Variants in RBFOX1 observed in about 807,000 individuals in gnomAD.
The protein encoded by RBFOX1 is RNA binding protein fox-1 homolog 1.
RBFOX1 carries 8 observed loss-of-function variants against 57.7 expected under a neutral mutation model. The observed-to-expected ratio is 0.14, with a 90% CI of 0.08 to 0.25. RBFOX1 has a LOEUF of 0.25. Ranked by LOEUF, RBFOX1 falls within the 10% of genes least tolerant of loss-of-function variation. The pLI, the probability that RBFOX1 is intolerant of heterozygous loss-of-function variation, is 1.00. For synonymous variants in RBFOX1, 326 were observed against 222.4 expected (o/e 1.47, Z -4.15); for missense variants, 611 against 548.5 (o/e 1.11, Z -1.14).
At chr16:6,179,316 A>C (rs888652552) in intron 1 of RBFOX1, among the ~76,000 whole-genome samples, 3 of 152,180 alleles carry the variant, frequency 2.0e-5, no homozygotes, top group Non-Finnish European at 4.4e-5. Flanking sequence ...ACTTTCTAGA[A>C]GGCTGGATCT....
At chr16:6,946,208 G>C (rs978517786) in intron 3 of RBFOX1, among the ~76,000 whole-genome samples, 1 of 152,212 alleles carries the variant, frequency 6.6e-6, no homozygotes, top group Admixed American at 6.5e-5. Flanking sequence ...AATATTTTAG[G>C]ATTTGGGTGC....
intron 4 of RBFOX1, among the ~76,000 whole-genome samples, chr16:7,342,879 G>C (rs1008689160): frequency 6.6e-6 from 1 of 152,276 alleles, no homozygotes; most frequent in Non-Finnish European, 1.5e-5. Flanking sequence ...TTGCATCAGG[G>C]GGCCATGTCA....
chr16:7,524,567 C>T (rs1311926084), intron 5 of RBFOX1, among the ~76,000 whole-genome samples: 3 of 152,128 alleles, frequency 2.0e-5, no homozygotes, highest in Admixed American at 1.3e-4. Flanking sequence ...CTATTTTTAA[C>T]GCTTCTGCAG....
chr16:6,712,405 G>T (rs2063874424), intron 3 of RBFOX1, among the ~76,000 whole-genome samples: 1 of 152,026 alleles, frequency 6.6e-6, no homozygotes, highest in African/African-American at 2.4e-5. Context: ...CCTAATGACT[G>T]GGCCACAGTA....
At chr16:5,453,516 G>T (rs1456384645) in intron 1 of RBFOX1, among the ~76,000 whole-genome samples, 1 of 152,116 alleles carries the variant, frequency 6.6e-6, no homozygotes, top group Non-Finnish European at 1.5e-5. Context: ...TTCATGCTCT[G>T]GTGTAAGGAA....
chr16:7,567,362 G>A (rs1300114884), intron 5 of RBFOX1, among the ~76,000 whole-genome samples: 1 of 50,574 alleles, frequency 2.0e-5, no homozygotes, highest in Non-Finnish European at 4.1e-5. Context: ...CCTATATATG[G>A]CCCTATATAT....
chr16:7,328,762 G>A (rs2096646621), intron 4 of RBFOX1: 2 of 152,020 alleles, frequency 1.3e-5, no homozygotes, highest in Admixed American at 6.6e-5. Flanking sequence ...CATTAGGAGA[G>A]AGAAGAAGAT....
chr16:5,475,716 T>G (rs890457468), intron 2 of RBFOX1, among the ~76,000 whole-genome samples: 10 of 152,114 alleles, frequency 6.6e-5, no homozygotes, highest in Non-Finnish European at 1.3e-4. Context: ...TGAAGGTGAG[T>G]CTTTGAGGTT....
intron 3 of RBFOX1, among the ~76,000 whole-genome samples, chr16:5,724,049 A>G (rs1201916057): frequency 6.6e-6 from 1 of 152,164 alleles, no homozygotes; most frequent in Non-Finnish European, 1.5e-5. Context: ...GTGTGTGTGC[A>G]TGTGCCTGCG....
intron 1 of RBFOX1, among the ~76,000 whole-genome samples, chr16:5,348,379 A>G (rs931328180): frequency 5.3e-5 from 8 of 152,222 alleles, no homozygotes; most frequent in Non-Finnish European, 1.0e-4. Context: ...AACTCACTAC[A>G]TACTACCTAC....
At chr16:6,745,715 GC>G (rs965907500) in intron 3 of RBFOX1, among the ~76,000 whole-genome samples, 1 of 152,162 alleles carries the variant, frequency 6.6e-6, no homozygotes, top group Non-Finnish European at 1.5e-5. Context: ...TACTGGTGTT[GC>G]CCCCAAGATT....
intron 4 of RBFOX1, among the ~76,000 whole-genome samples, chr16:7,333,758 A>T (rs67729500): frequency 0.16 from 23,016 of 142,768 alleles, 2,733 homozygotes; most frequent in African/African-American, 0.38. Flanking sequence ...CCAATAAACA[A>T]TTGGGGACCT....
chr16:5,765,961 A>G (rs918416257), intron 3 of RBFOX1, among the ~76,000 whole-genome samples: 13 of 152,042 alleles, frequency 8.6e-5, no homozygotes, highest in Non-Finnish European at 1.5e-4. Context: ...TGCTGTTGCC[A>G]TCTTTGTCTC....
intron 10 of RBFOX1, among the ~76,000 whole-genome samples, chr16:7,611,397 T>A (rs148382757): frequency 1.3e-5 from 2 of 152,178 alleles, no homozygotes; most frequent in East Asian, 1.9e-4. Context: ...GCCAACATGG[T>A]GAAATCCTGT....
At chr16:7,522,399 A>G (rs2077707400) in intron 5 of RBFOX1, among the ~76,000 whole-genome samples, 1 of 152,184 alleles carries the variant, frequency 6.6e-6, no homozygotes, top group Non-Finnish European at 1.5e-5. Flanking sequence ...ATGTTGGGCT[A>G]TACAGCCTGG....
chr16:5,717,200 T>A (rs2051735931), intron 3 of RBFOX1, among the ~76,000 whole-genome samples: 1 of 152,196 alleles, frequency 6.6e-6, no homozygotes, highest in Non-Finnish European at 1.5e-5. Flanking sequence ...ATTTATAATC[T>A]CTTAATTTCT....
chr16:6,840,855 C>G (rs1029120794), intron 3 of RBFOX1, among the ~76,000 whole-genome samples: 1 of 142,900 alleles, frequency 7.0e-6, no homozygotes, highest in South Asian at 2.2e-4. Context: ...CCATTGTACT[C>G]TAGCCTGGGC....
chr16:5,298,584 T>C (rs1596446971), intron 1 of RBFOX1, among the ~76,000 whole-genome samples: 1 of 5,680 alleles, frequency 1.8e-4, no homozygotes, highest in Admixed American at 1.6e-3. Flanking sequence ...TCCCCTCCCT[T>C]CCCCTCCCCT....
chr16:6,309,575 C>G (rs990952924), intron 1 of RBFOX1, among the ~76,000 whole-genome samples: 3 of 152,058 alleles, frequency 2.0e-5, no homozygotes, highest in African/African-American at 7.2e-5. Flanking sequence ...TTAATCAGAA[C>G]ATACCCTACA....
Sources: allele counts gnomAD v4.1 joint callset (sites outside exome capture counted in the v4.1 genomes callset), GRCh38; gene constraint gnomAD v4.1.1; transcripts MANE v1.5; gene names NCBI Gene and HGNC (gene_info 2026-07-23, HGNC 2026-07-21).